UBAP2L: variants seen among roughly 807,000 people sequenced by gnomAD.
UBAP2L encodes the protein ubiquitin associated protein 2 like.
Under a neutral mutation model 130.6 loss-of-function variants are expected in UBAP2L, and 12 were observed. The ratio of observed to expected loss-of-function variants is 0.09; its 90% CI spans 0.06 to 0.15. The LOEUF is 0.15. Among genes scored for constraint, UBAP2L ranks in the 10% least tolerant of loss-of-function variants. The probability of loss-of-function intolerance (pLI) is 1.00; values close to 1 mark genes in which losing one functional copy is unlikely to be tolerated. For synonymous variants in UBAP2L, 503 were observed against 524.7 expected (o/e 0.96, Z 0.57); for missense variants, 965 against 1,332.5 (o/e 0.72, Z 4.29).
rs781246398 is a variant in UBAP2L at position 154,254,809 on chromosome 1, C to T, written c.1855-27C>T. On this transcript the variant is annotated intron_variant, in intron 15 of 26. Coordinates refer to ENST00000428931, the MANE Select transcript of UBAP2L (RefSeq NM_014847.4). ...TTCACATGAGTTTGTCTGTTTCTTG[C>T]TCTTCTGTTTTTTTTTTTTTTACCA... is the stretch of plus-strand genomic sequence containing the variant. 7 of 1,565,596 alleles carry T rather than the reference C, an allele frequency of 4.5e-6. No homozygotes were observed. In the Admixed American group the frequency reaches 1.2e-4, roughly 26 times the overall value.
chr1:154,258,710 T>A (rs1462522247), intron 20 of UBAP2L: 1 of 319,102 alleles, frequency 3.1e-6, no homozygotes, highest in Non-Finnish European at 5.8e-6. Context: ...TCGTGTATGT[T>A]TTGTGTCTAC....
At chr1:154,224,000 C>T (rs905971201) in intron 1 of UBAP2L, among the ~76,000 whole-genome samples, 11 of 152,186 alleles carry the variant, frequency 7.2e-5, no homozygotes, top group Admixed American at 3.9e-4. Context: ...ATTTTGAACA[C>T]TCTATCATAT....
At chr1:154,265,492 T>G (rs938939355) in intron 24 of UBAP2L, among the ~76,000 whole-genome samples, 2 of 152,270 alleles carry the variant, frequency 1.3e-5, no homozygotes, top group African/African-American at 2.4e-5. Flanking sequence ...TATTCCTAGT[T>G]AAATTACTTA....
intron 2 of UBAP2L, 57 bp from the exon 3 acceptor site, chr1:154,227,225 T>A (rs1256204644): frequency 6.7e-7 from 1 of 1,484,280 alleles, no homozygotes; most frequent in Non-Finnish European, 9.4e-7. Context: ...AATAGGTTCC[T>A]GTTCTCTAAA....
At chr1:154,234,036 AC>A (rs1233959672) in intron 4 of UBAP2L, among the ~76,000 whole-genome samples, 1 of 152,128 alleles carries the variant, frequency 6.6e-6, no homozygotes, top group East Asian at 1.9e-4. Context: ...TACAAAAAAG[AC>A]TTTATGGCTG....
At chr1:154,241,972 C>T (rs762142073) in intron 9 of UBAP2L, among the ~76,000 whole-genome samples, 1 of 152,140 alleles carries the variant, frequency 6.6e-6, no homozygotes, top group South Asian at 2.1e-4. Context: ...GCAGTGGATC[C>T]AAAGCGAGTG....
At chr1:154,246,088 C>A in intron 10 of UBAP2L, 116 bp from the exon 11 acceptor site, 1 of 1,128,810 alleles carries the variant, frequency 8.9e-7, no homozygotes, top group Non-Finnish European at 1.2e-6. Flanking sequence ...TGTGTTTGAA[C>A]CCTTTTAGAA....
rs752990811 is a variant in UBAP2L, at chr1:154,259,048, A to G, written c.2496+18A>G. On this transcript the variant is annotated intron_variant, in intron 21 of 26. Coordinates refer to ENST00000428931, the MANE Select transcript of UBAP2L (RefSeq NM_014847.4). Reference sequence around the variant, plus strand: ...TTCCATTGGTGAGTATGTGGGATAGAGCTTTGGAAAAGAAAGTAGTCTTAA... The same window carrying G: ...TTCCATTGGTGAGTATGTGGGATAGGGCTTTGGAAAAGAAAGTAGTCTTAA... 1 of 1,610,768 alleles carries G rather than the reference A, an allele frequency of 6.2e-7. No individual in the cohort carries two copies.
intron 24 of UBAP2L, among the ~76,000 whole-genome samples, chr1:154,265,454 T>G (rs1186567204): frequency 6.6e-6 from 1 of 152,226 alleles, no homozygotes; most frequent in East Asian, 1.9e-4. Context: ...TTATAAAAAC[T>G]AATATATCTT....
chr1:154,253,244 T>G (rs1678417207), intron 14 of UBAP2L, among the ~76,000 whole-genome samples: 1 of 152,134 alleles, frequency 6.6e-6, no homozygotes, highest in African/African-American at 2.4e-5. Flanking sequence ...CCTTGTAATC[T>G]GCCCACCTTG....
chr1:154,249,146 C>T, intron 11 of UBAP2L, 93 bp from the exon 12 acceptor site: 4 of 1,224,480 alleles, frequency 3.3e-6, no homozygotes, highest in Non-Finnish European at 3.6e-6. Flanking sequence ...CTTGCCTGAT[C>T]TATACTGGCT....
intron 25 of UBAP2L, among the ~76,000 whole-genome samples, chr1:154,267,422 A>G (rs1014247567): frequency 7.9e-5 from 12 of 151,256 alleles, no homozygotes; most frequent in African/African-American, 2.9e-4. Context: ...CCAAAGTGCT[A>G]GATTACAGGC....
chr1:154,266,722 C>A (rs374039466), intron 25 of UBAP2L, among the ~76,000 whole-genome samples, 154 bp downstream of exon 25: 1 of 152,112 alleles, frequency 6.6e-6, no homozygotes, highest in African/African-American at 2.4e-5. Context: ...CTCTAGACTT[C>A]ACTTCCTCTA....
At position 154,234,827 on chromosome 1, in the gene UBAP2L, G is replaced by A. The variant is rs1385098280; in HGVS notation, c.448+68G>A. The stretch of plus-strand genomic sequence containing the variant: ...GTCTAGACTCTAGGGATGTGCCAGG[G>A]CCCTGCTAGTCAGGACCTAGGAACC... On this transcript the variant is annotated intron_variant, in intron 5 of 26. Coordinates refer to ENST00000428931, the MANE Select transcript of UBAP2L (RefSeq NM_014847.4). 3 of 1,543,360 alleles carry A rather than the reference G, an allele frequency of 1.9e-6. No individual in the cohort carries two copies. The South Asian group carries it at 3.6e-5, about 18-fold the overall frequency.
At chr1:154,245,305 A>G (rs1036313054) in intron 10 of UBAP2L, among the ~76,000 whole-genome samples, 1 of 152,160 alleles carries the variant, frequency 6.6e-6, no homozygotes, top group Non-Finnish European at 1.5e-5. Context: ...GCATTCAGGT[A>G]TGGTTGAAAG....
At position 154,261,009 on chromosome 1, in the gene UBAP2L, A is replaced by G; in HGVS notation, c.2696A>G (p.Asn899Ser). Residue 899 changes from asparagine to serine, a missense_variant, in exon 23 of 27, where the codon AAC becomes AGC. This residue lies in a region of UBAP2L where 194 missense variants were observed against 334.0 expected (regional missense o/e 0.58). Transcript: ENST00000428931. ...CATACCACGCAGCAGACATTCCTGA[A>G]CCCGGCGCTGCCTCCTGGCTACAGT... Reference protein sequence around the residue: ...THHTTQQTFLNPALPPGYSYT... With the variant: ...THHTTQQTFLSPALPPGYSYT... 1 of 1,614,146 alleles carries G rather than the reference A, an allele frequency of 6.2e-7. No homozygotes were observed. The highest frequency in any genetic ancestry group is 8.5e-7 in the Non-Finnish European group (1 of 1,180,016).
At chr1:154,250,796 G>A (rs1677337268) in intron 12 of UBAP2L, among the ~76,000 whole-genome samples, 1 of 147,578 alleles carries the variant, frequency 6.8e-6, no homozygotes, top group Admixed American at 6.8e-5. Flanking sequence ...GAAGTGGGCT[G>A]AGATTGCACC....
chr1:154,220,321 G>A (rs1159656158), upstream of UBAP2L: 3 of 1,613,114 alleles, frequency 1.9e-6, no homozygotes, highest in East Asian at 2.2e-5. Flanking sequence ...CAGCAGGAAT[G>A]GGGTGGGGTA....
At chr1:154,264,709 C>T (rs1478781335) in intron 24 of UBAP2L, among the ~76,000 whole-genome samples, 1 of 152,160 alleles carries the variant, frequency 6.6e-6, no homozygotes, top group Non-Finnish European at 1.5e-5. Context: ...TATAGGCAGC[C>T]TAGCCTCACT....
Sources: gnomAD v4.1 joint callset for allele counts (sites outside exome capture counted in the v4.1 genomes callset) on GRCh38, gnomAD v4.1.1 for gene constraint, gnomAD v4.1.1 regional missense constraint, MANE v1.5 for transcripts, NCBI Gene and HGNC (gene_info 2026-07-23, HGNC 2026-07-21) for gene names.